CSMD3: variants seen among roughly 807,000 people sequenced by gnomAD.
The protein encoded by CSMD3 is CUB and sushi domain-containing protein 3.
CSMD3 carries 177 observed loss-of-function variants against 435.2 expected under a neutral mutation model. The observed-to-expected ratio is 0.41, with a 90% confidence interval of 0.36 to 0.46. CSMD3 has a LOEUF of 0.46. Among genes scored for constraint, CSMD3 ranks in the 20% least tolerant of loss-of-function variants. The probability of loss-of-function intolerance (pLI) is 0.34; values close to 1 mark genes in which losing one functional copy is unlikely to be tolerated. For synonymous variants in CSMD3, 1,656 were observed against 1,520.5 expected (o/e 1.09, Z -2.07); for missense variants, 4,265 against 4,504.6 (o/e 0.95, Z 1.52).
intron 11 of CSMD3, among the ~76,000 whole-genome samples, chr8:112,840,385 T>G: frequency 6.6e-6 from 1 of 151,728 alleles, no homozygotes; most frequent in Admixed American, 6.6e-5. Context: ...TGCTTTATAG[T>G]TTTCATTGTA....
chr8:112,399,256 TG>T (rs1831115196), intron 35 of CSMD3, among the ~76,000 whole-genome samples: 1 of 120,454 alleles, frequency 8.3e-6, no homozygotes, highest in Non-Finnish European at 1.7e-5. Flanking sequence ...ATAGAAGTTT[TG>T]ATTCCAAATT....
At chr8:113,099,247 A>T (rs907836475) in intron 4 of CSMD3, among the ~76,000 whole-genome samples, 3 of 152,100 alleles carry the variant, frequency 2.0e-5, no homozygotes, top group African/African-American at 7.2e-5. Flanking sequence ...TTAGGAAAAT[A>T]GAATCAAGAT....
intron 1 of CSMD3, among the ~76,000 whole-genome samples, chr8:113,377,640 T>TA (rs1347146092): frequency 6.6e-6 from 1 of 152,206 alleles, no homozygotes; most frequent in East Asian, 1.9e-4. Flanking sequence ...TATTTATTTT[T>TA]ACAAACAATA....
chr8:113,344,288 T>G (rs2094138368), intron 1 of CSMD3, among the ~76,000 whole-genome samples: 1 of 152,158 alleles, frequency 6.6e-6, no homozygotes, highest in South Asian at 2.1e-4. Flanking sequence ...TTCTAGTAAT[T>G]GTGGGGTATT....
intron 59 of CSMD3, among the ~76,000 whole-genome samples, chr8:112,277,416 A>G (rs937423010): frequency 6.6e-6 from 1 of 152,174 alleles, no homozygotes; most frequent in Non-Finnish European, 1.5e-5. Context: ...ATCTGAAACT[A>G]TCTCAGCCTG....
intron 38 of CSMD3, among the ~76,000 whole-genome samples, chr8:112,357,045 T>C (rs1266136288): frequency 1.3e-5 from 2 of 152,068 alleles, no homozygotes; most frequent in Non-Finnish European, 2.9e-5. Context: ...TTGGAACAGT[T>C]TGGAGGGCTC....
intron 1 of CSMD3, among the ~76,000 whole-genome samples, chr8:113,435,106 T>A (rs1002830680): frequency 7.9e-5 from 12 of 152,042 alleles, no homozygotes; most frequent in African/African-American, 2.7e-4. Flanking sequence ...AATGTGTGGC[T>A]CCTCACCCGT....
chr8:112,465,197 T>C (rs1817835014), intron 32 of CSMD3, among the ~76,000 whole-genome samples: 1 of 152,156 alleles, frequency 6.6e-6, no homozygotes, highest in South Asian at 2.1e-4. Context: ...TGGAAAAAAT[T>C]AATGCCCCCT....
chr8:112,249,164 G>T (rs527582516), intron 63 of CSMD3, among the ~76,000 whole-genome samples: 4 of 152,170 alleles, frequency 2.6e-5, no homozygotes, highest in Non-Finnish European at 5.9e-5. Flanking sequence ...AGTTAATAGT[G>T]TCACTTGTCA....
chr8:113,067,899 A>C (rs1450395139), intron 5 of CSMD3, among the ~76,000 whole-genome samples: 1 of 152,120 alleles, frequency 6.6e-6, no homozygotes, highest in East Asian at 1.9e-4. Flanking sequence ...TAAAATCACC[A>C]GGGCAACATT....
At chr8:112,381,397 G>A (rs1829449904) in intron 37 of CSMD3, among the ~76,000 whole-genome samples, 4 of 152,148 alleles carry the variant, frequency 2.6e-5, no homozygotes, top group Admixed American at 2.6e-4. Context: ...TCTTGACTTT[G>A]CTATTGAGCA....
At chr8:113,105,041 T>A (rs2090433292) in intron 4 of CSMD3, among the ~76,000 whole-genome samples, 1 of 152,066 alleles carries the variant, frequency 6.6e-6, no homozygotes, top group African/African-American at 2.4e-5. Context: ...TCTCAGAATC[T>A]CTAAATAAGA....
At chr8:113,239,118 T>C (rs1301728808) in intron 3 of CSMD3, among the ~76,000 whole-genome samples, 1 of 152,112 alleles carries the variant, frequency 6.6e-6, no homozygotes, top group Non-Finnish European at 1.5e-5. Flanking sequence ...ACTACGCTTT[T>C]CCTGCCTTTG....
intron 4 of CSMD3, among the ~76,000 whole-genome samples, chr8:113,139,647 C>A (rs372508094): frequency 6.6e-6 from 1 of 150,770 alleles, no homozygotes; most frequent in African/African-American, 2.4e-5. Context: ...CAAATAAACA[C>A]ATGAAAACAG....
chr8:113,015,818 T>C (rs2086434807), intron 6 of CSMD3, among the ~76,000 whole-genome samples: 1 of 151,770 alleles, frequency 6.6e-6, no homozygotes, highest in Non-Finnish European at 1.5e-5. Flanking sequence ...TTCATCGAAA[T>C]GGAAAAGAAT....
At chr8:112,356,079 T>C (rs1192602618) in intron 38 of CSMD3, among the ~76,000 whole-genome samples, 2 of 152,154 alleles carry the variant, frequency 1.3e-5, no homozygotes, top group Non-Finnish European at 2.9e-5. Flanking sequence ...TTTTACACTG[T>C]TGGTGGGAAT....
At position 112,299,986 on chromosome 8, in the gene CSMD3, T is replaced by C. The variant is rs1003197773; in HGVS notation, c.8440+1807A>G. 9.3e-5 allele frequency among the ~76,000 whole-genome samples: 14 copies of C among 151,124 alleles called. No individual in the cohort carries two copies. In the Admixed American group the frequency reaches 9.3e-4, roughly 10 times the overall value. ...ACATACTATATACAATATTAAATAA[T>C]ATATAATACACAATAACAATTCATG... On this transcript the variant is annotated intron_variant, in intron 53 of 70. Transcript: ENST00000297405.
At chr8:112,767,528 C>T (rs1479451874) in intron 13 of CSMD3, among the ~76,000 whole-genome samples, 1 of 151,710 alleles carries the variant, frequency 6.6e-6, no homozygotes, top group Non-Finnish European at 1.5e-5. Flanking sequence ...GCCTCAGTTT[C>T]CTCACATGTA....
intron 4 of CSMD3, among the ~76,000 whole-genome samples, chr8:113,163,103 T>A (rs2131841674): frequency 6.6e-6 from 1 of 152,240 alleles, no homozygotes; most frequent in Admixed American, 6.5e-5. Context: ...ACAAATATAA[T>A]AAAACTATGT....
Sources: gnomAD v4.1 joint callset for allele counts (sites outside exome capture counted in the v4.1 genomes callset) on GRCh38, gnomAD v4.1.1 for gene constraint, MANE v1.5 for transcripts, NCBI Gene and HGNC (gene_info 2026-07-23, HGNC 2026-07-21) for gene names.